The following HDAC9 variants were observed in gnomAD, a reference collection of about 807,000 sequenced individuals.
The protein encoded by HDAC9 is MEF-2 interacting transcription repressor (MITR) protein.
A neutral mutation model predicts 139.4 loss-of-function variants in HDAC9; 41 were observed. That is an observed-to-expected ratio of 0.29 (90% CI 0.23 to 0.38). HDAC9 has a LOEUF of 0.38. Ranked by LOEUF, HDAC9 falls within the 10% of genes least tolerant of loss-of-function variation. HDAC9 has a pLI of 1.00. For synonymous variants in HDAC9, 517 were observed against 476.2 expected, an observed-to-expected ratio of 1.09 and a Z score of -1.12; for missense variants, 1,147 against 1,297.0, an observed-to-expected ratio of 0.88 and a Z score of 1.78.
chr7:18,992,195 C>G (rs1395111064), intron 25 of HDAC9, among the ~76,000 whole-genome samples: 1 of 152,168 alleles, frequency 6.6e-6, no homozygotes, highest in Non-Finnish European at 1.5e-5. Flanking sequence ...AGTACGTATA[C>G]TAGGAAGTTC....
At chr7:18,262,577 TATAAAAGACAGTATA>T (rs1795749739) in intron 2 of HDAC9, among the ~76,000 whole-genome samples, 2 of 152,188 alleles carry the variant, frequency 1.3e-5, no homozygotes, top group Admixed American at 1.3e-4. Flanking sequence ...CATAGGTAAA[TATAAAAGACAGTATA>T]ACTGTATTTT....
chr7:18,886,144 G>GAATA (rs1329112994), intron 22 of HDAC9, among the ~76,000 whole-genome samples: 1 of 151,984 alleles, frequency 6.6e-6, no homozygotes, highest in Non-Finnish European at 1.5e-5. Context: ...TCAAGTGAAT[G>GAATA]AGTGCTCCAT....
At chr7:18,754,996 A>C (rs1788755364) in intron 14 of HDAC9, among the ~76,000 whole-genome samples, 1 of 152,160 alleles carries the variant, frequency 6.6e-6, no homozygotes, top group Non-Finnish European at 1.5e-5. Flanking sequence ...TAGTCTAACT[A>C]GATGGCAGCA....
chr7:18,958,419 G>A (rs758476574), intron 24 of HDAC9, among the ~76,000 whole-genome samples: 1 of 152,150 alleles, frequency 6.6e-6, no homozygotes, highest in Non-Finnish European at 1.5e-5. Context: ...GCACTCCCAT[G>A]TACTTTGTGG....
chr7:18,791,796 C>T (rs917123775), intron 16 of HDAC9, among the ~76,000 whole-genome samples: 1 of 152,156 alleles, frequency 6.6e-6, no homozygotes, highest in African/African-American at 2.4e-5. Context: ...CCAGGCTTTA[C>T]AAAACAGGTA....
chr7:18,237,487 A>G (rs911363977), intron 2 of HDAC9, among the ~76,000 whole-genome samples: 4 of 152,194 alleles, frequency 2.6e-5, no homozygotes, highest in African/African-American at 9.7e-5. Context: ...ATCTTAAGAA[A>G]ATTAATTCTG....
intron 17 of HDAC9, among the ~76,000 whole-genome samples, chr7:18,803,345 G>T (rs935779995): frequency 2.6e-5 from 4 of 152,066 alleles, no homozygotes; most frequent in Non-Finnish European, 4.4e-5. Flanking sequence ...AGGTATGATT[G>T]TACTGTTTTA....
upstream of HDAC9, among the ~76,000 whole-genome samples, chr7:18,490,833 A>ATGAGTGAGTGAGTGAG (rs34164569): frequency 2.0e-5 from 3 of 151,416 alleles, no homozygotes; most frequent in Admixed American, 2.0e-4. Flanking sequence ...GGTAACATCA[A>ATGAGTGAGTGAGTGAG]TGAGTGAGTG....
chr7:18,086,957 C>T (rs1781826999), exon 1 of HDAC9: 1 of 146,658 alleles, frequency 6.8e-6, no homozygotes, highest in African/African-American at 2.5e-5. Context: ...GCGCAGCGCG[C>T]ACCGAGCCGG....
chr7:18,629,306 T>A, intron 6 of HDAC9, 44 bp from the exon 7 acceptor site: 1 of 1,497,306 alleles, frequency 6.7e-7, no homozygotes, highest in Non-Finnish European at 8.9e-7. Flanking sequence ...GCTCTCTATT[T>A]TTTTAATTTT....
intron 12 of HDAC9, among the ~76,000 whole-genome samples, chr7:18,722,793 T>C (rs1584915472): frequency 6.6e-6 from 1 of 152,210 alleles, no homozygotes; most frequent in East Asian, 1.9e-4. Context: ...ACTCTTTGAA[T>C]AAACTTCTCT....
chr7:18,299,129 A>T (rs1183296889), intron 1 of HDAC9, among the ~76,000 whole-genome samples: 2 of 152,116 alleles, frequency 1.3e-5, no homozygotes, highest in African/African-American at 4.8e-5. Flanking sequence ...CTGCATTGTA[A>T]AGTGGTACAT....
intron 2 of HDAC9, among the ~76,000 whole-genome samples, chr7:18,167,649 G>C (rs877250): frequency 6.6e-6 from 1 of 151,930 alleles, no homozygotes; most frequent in Non-Finnish European, 1.5e-5. Context: ...GTGCATCTCC[G>C]CATCAAGCTG....
chr7:18,179,995 C>G (rs558158300), intron 2 of HDAC9, among the ~76,000 whole-genome samples: 46 of 152,204 alleles, frequency 3.0e-4, no homozygotes, highest in Admixed American at 2.7e-3. Flanking sequence ...AGATTGAGGC[C>G]TAAAACCATC....
intron 2 of HDAC9, among the ~76,000 whole-genome samples, chr7:18,570,631 T>C (rs926994133): frequency 2.0e-5 from 3 of 152,158 alleles, no homozygotes; most frequent in Non-Finnish European, 4.4e-5. Context: ...CTAATTCCTG[T>C]TGTACCTGTT....
chr7:18,432,841 C>T (rs1790807375), intron 1 of HDAC9, among the ~76,000 whole-genome samples: 1 of 152,030 alleles, frequency 6.6e-6, no homozygotes, highest in East Asian at 1.9e-4. Context: ...GTCCCAGCTA[C>T]TCGGGAGGCT....
intron 1 of HDAC9, among the ~76,000 whole-genome samples, chr7:18,384,427 T>G (rs1177951288): frequency 5.3e-5 from 8 of 152,228 alleles, no homozygotes; most frequent in Non-Finnish European, 7.4e-5. Context: ...GTTATTTTAT[T>G]GTATTTTTTA....
chr7:18,354,012 T>C (rs986503547), intron 1 of HDAC9, among the ~76,000 whole-genome samples: 1 of 152,180 alleles, frequency 6.6e-6, no homozygotes, highest in African/African-American at 2.4e-5. Context: ...GGCTTTACCC[T>C]TTAAGTTAAA....
At chr7:18,665,750 C>G (rs1429911231) in intron 11 of HDAC9, among the ~76,000 whole-genome samples, 1 of 151,836 alleles carries the variant, frequency 6.6e-6, no homozygotes, top group Admixed American at 6.6e-5. Context: ...TAGACAAAGA[C>G]TATTAGCATT....
Sources: allele counts gnomAD v4.1 joint callset (sites outside exome capture counted in the v4.1 genomes callset), GRCh38; gene constraint gnomAD v4.1.1; transcripts MANE v1.5; gene names NCBI Gene and HGNC (gene_info 2026-07-23, HGNC 2026-07-21).